Variants in NLRP12 observed in about 807,000 individuals in gnomAD.
NLRP12 encodes the protein NACHT, LRR and PYD domains-containing protein 12.
A neutral mutation model predicts 91.2 loss-of-function variants in NLRP12; 108 were observed. That is an observed-to-expected ratio of 1.18 (90% CI 1.01 to 1.39). The LOEUF (loss-of-function observed/expected upper bound fraction) is 1.39, where lower values mean the gene tolerates loss of function less well. Among genes scored for constraint, NLRP12 ranks in the 40% most tolerant of loss-of-function variants. The pLI, the probability that NLRP12 is intolerant of heterozygous loss-of-function variation, is 0.00. For missense variants in NLRP12, 1,530 were observed against 1,352.7 expected (o/e 1.13, Z -2.06); for synonymous variants, 613 against 566.7 (o/e 1.08, Z -1.16).
intron 7 of NLRP12, among the ~76,000 whole-genome samples, chr19:53,799,887 G>A (rs757615214): frequency 2.0e-5 from 3 of 152,078 alleles, no homozygotes; most frequent in African/African-American, 4.8e-5. Context: ...TGTCCAGCTG[G>A]GTGTAGTGGG....
intron 9 of NLRP12, 75 bp from the exon 10 acceptor site, chr19:53,794,211 T>A: frequency 3.1e-6 from 3 of 972,276 alleles, no homozygotes; most frequent in Non-Finnish European, 5.0e-6. Context: ...GTATCTATTG[T>A]GCACTACCGT....
chr19:53,803,842 G>A (rs888925350), intron 6 of NLRP12, 110 bp downstream of exon 6: 6 of 1,106,404 alleles, frequency 5.4e-6, no homozygotes, highest in East Asian at 2.5e-5. Context: ...CCAAAGTGCC[G>A]GGATTACAGG....
chr19:53,824,192 C>T lies in NLRP12; in HGVS notation c.-18G>A, dbSNP rs781775783. 4.3e-6 allele frequency: 7 copies of T among 1,612,994 alleles called. No homozygotes were observed. The highest frequency in any genetic ancestry group is 3.3e-4 in the Middle Eastern group (2 of 6,052). ...CGTAGCATGGGGGTGCCGTGAGCCC[C>T]AAAGGAGAGGACCTGGAGGCTGAGA... is the stretch of plus-strand genomic sequence containing the variant. On this transcript the variant is annotated 5_prime_UTR_variant, in exon 1 of 10. It introduces an in-frame stop codon into an upstream open reading frame of the 5' UTR. Transcript: ENST00000324134.
At position 53,809,517 on chromosome 19, in the gene NLRP12, C is replaced by CAAAAAAAAAA. The variant is rs3973672; in HGVS notation, c.2072+60_2072+69dup. 6.5e-4 allele frequency: 452 copies of CAAAAAAAAAA among 694,850 alleles called. 3 individuals are homozygous for CAAAAAAAAAA. The highest frequency in any genetic ancestry group is 1.8e-3 in the African/African-American group (71 of 38,586). 43.0% of individuals were successfully genotyped at this position (694,850 alleles called of 1,614,324 possible). A position where few individuals can be genotyped will look rare whatever the true frequency, so the allele number is the denominator to read the frequency against. ...GTGTACTCCAGCCTAGGCAACAGAG[C>CAAAAAAAAAA]AAAAAAAAAAAAAAAAAAAAAAAAC... On this transcript the variant is annotated intron_variant, in intron 3 of 9. Coordinates refer to ENST00000324134, the MANE Select transcript of NLRP12 (RefSeq NM_144687.4).
intron 1 of NLRP12, among the ~76,000 whole-genome samples, chr19:53,818,580 G>T (rs1383914769): frequency 1.4e-5 from 2 of 140,618 alleles, no homozygotes; most frequent in Admixed American, 6.9e-5. Flanking sequence ...CAGGAGAATC[G>T]CTTGAACCCG....
intron 4 of NLRP12, among the ~76,000 whole-genome samples, chr19:53,806,745 C>G (rs957562585): frequency 7.0e-6 from 1 of 143,160 alleles, no homozygotes; most frequent in Non-Finnish European, 1.5e-5. Context: ...GTTTTCCCAG[C>G]TACTCGTGAT....
intron 8 of NLRP12, among the ~76,000 whole-genome samples, chr19:53,796,344 C>T (rs959069682): frequency 4.6e-5 from 7 of 151,826 alleles, no homozygotes; most frequent in African/African-American, 7.3e-5. Context: ...CTCTGCCTCC[C>T]GGGTTCAAGT....
In NLRP12 at chr19:53,796,183, C is replaced by T. The variant is rs143892094; in HGVS notation, c.2928-154G>A. 3,365 of 714,988 alleles carry T rather than the reference C, an allele frequency of 4.7e-3. 117 individuals carry two copies. In the Admixed American group the frequency reaches 0.05, roughly 11 times the overall value. The allele number at this position is 714,988 out of a possible 1,614,324, so 44.3% of individuals were successfully genotyped here. A position where few individuals can be genotyped will look rare whatever the true frequency, so the allele number is the denominator to read the frequency against. On this transcript the variant is annotated intron_variant, in intron 8 of 9. Coordinates refer to ENST00000324134, the MANE Select transcript of NLRP12 (RefSeq NM_144687.4). ...CCAGGTTCAAGCGATTCTCCTGCCT[C>T]AGCCTCCTGAGTAGCTGGGATTACA...
chr19:53,816,511 C>A (rs1002863808), intron 1 of NLRP12, among the ~76,000 whole-genome samples: 18 of 151,840 alleles, frequency 1.2e-4, no homozygotes, highest in Non-Finnish European at 2.4e-4. Flanking sequence ...AGTCATCTGG[C>A]ACCATTTTAT....
Position 53,819,541 on chromosome 19 carries a change from GTA to G in NLRP12, c.289+4343_289+4344del, listed in dbSNP as rs1491323565. Among the ~76,000 whole-genome samples the G allele has an allele frequency of 8.8e-4, 18 of 20,362 alleles. 5 individuals are homozygous for G. Among genetic ancestry groups the G allele is most frequent in the African/African-American group, 3.0e-3 (15 of 4,990 alleles). The allele number at this position is 20,362 out of a possible 152,430, so 13.4% of individuals were successfully genotyped here. Reference sequence around the variant, plus strand: ...TGTGTATATATGTGTGTATGTATACGTATATATATGTATGTATACGTATATAT... The same window carrying G: ...TGTGTATATATGTGTGTATGTATACGTATATATGTATGTATACGTATATAT... On this transcript the variant is annotated intron_variant, in intron 1 of 9. Transcript: ENST00000324134.
intron 8 of NLRP12, among the ~76,000 whole-genome samples, chr19:53,797,078 A>G (rs1332085101): frequency 6.6e-6 from 1 of 152,048 alleles, no homozygotes; most frequent in Non-Finnish European, 1.5e-5. Context: ...CAGAAAGGTG[A>G]GGGAGAAAGT....
chr19:53,808,131 C>T (rs1405335431), intron 3 of NLRP12: 1 of 320,868 alleles, frequency 3.1e-6, no homozygotes, highest in African/African-American at 2.2e-5. Flanking sequence ...GATCATGGCT[C>T]ACTGTAGGCT....
chr19:53,804,087 T>A lies in NLRP12; in HGVS notation c.2450A>T (p.Gln817Leu), dbSNP rs755657075. Residue 817 changes from glutamine to leucine, a missense_variant, in exon 6 of 10, where the codon CAG becomes CTG. Physicochemically the swap from Gln to Leu is moderately radical, Grantham distance 113. Coordinates refer to ENST00000324134, the MANE Select transcript of NLRP12 (RefSeq NM_144687.4). ...GGTGCCGAGCACAGAAGCCATCTCC[T>A]GACAAGCCCCGGACTCCAGCTGACA... ...RKCQLESGAC[Q>L]EMASVLGTNP... is the part of the protein sequence containing the mutation. The A allele has an allele frequency of 1.2e-6, 2 of 1,614,042 alleles. No homozygotes were observed. The highest frequency in any genetic ancestry group is 2.2e-5 in the East Asian group (1 of 44,860).
At position 53,824,282 on chromosome 19, in the gene NLRP12, G is replaced by A. The variant is rs1469874874; in HGVS notation, c.-108C>T. ...TTCCATTGCATCATTCACAGGCAGC[G>A]GGCGGAGAGGCTGAGCCAGTGGTTG... is the stretch of plus-strand genomic sequence containing the variant. On this transcript the variant is annotated 5_prime_UTR_variant, in exon 1 of 10. Transcript: ENST00000324134. 9.3e-6 allele frequency: 11 copies of A among 1,176,716 alleles called. No homozygotes were observed. The highest frequency in any genetic ancestry group is 3.8e-5 in the Admixed American group (2 of 52,108). 72.9% of individuals were successfully genotyped at this position (1,176,716 alleles called of 1,614,324 possible). A position where few individuals can be genotyped will look rare whatever the true frequency, so the allele number is the denominator to read the frequency against.
rs554038146 is a variant in NLRP12, at chr19:53,802,117, C to CTTGGGAGGCTGAGGCA, written c.2586-736_2586-721dup. ...TGGCGCATGCCTGTAATCCCAGCTA[C>CTTGGGAGGCTGAGGCA]TTGGGAGGCTGAGGCAGGAGAATCA... On this transcript the variant is annotated intron_variant, in intron 6 of 9. Coordinates refer to ENST00000324134, the MANE Select transcript of NLRP12 (RefSeq NM_144687.4). 1.7e-3 allele frequency among the ~76,000 whole-genome samples: 254 copies of CTTGGGAGGCTGAGGCA among 151,664 alleles called. No homozygotes were observed. In the Middle Eastern group the frequency reaches 0.017, roughly 10 times the overall value.
At chr19:53,818,875 C>G (rs968301233) in intron 1 of NLRP12, among the ~76,000 whole-genome samples, 1 of 152,104 alleles carries the variant, frequency 6.6e-6, no homozygotes, top group African/African-American at 2.4e-5. Flanking sequence ...TCGAGAGACT[C>G]TTACGCACAG....
chr19:53,805,012 A>T (rs2091934916), intron 5 of NLRP12, among the ~76,000 whole-genome samples: 3 of 152,202 alleles, frequency 2.0e-5, no homozygotes, highest in Admixed American at 2.0e-4. Flanking sequence ...CTTGGGCAAC[A>T]TAGCAAGACC....
At chr19:53,816,154 C>T (rs1180018267) in intron 1 of NLRP12, among the ~76,000 whole-genome samples, 1 of 151,984 alleles carries the variant, frequency 6.6e-6, no homozygotes, top group African/African-American at 2.4e-5. Context: ...AGAAGGCCCC[C>T]CAAAGTCCTA....
intron 5 of NLRP12, among the ~76,000 whole-genome samples, chr19:53,804,676 G>A (rs942089065): frequency 2.7e-5 from 4 of 150,450 alleles, no homozygotes; most frequent in African/African-American, 7.3e-5. Context: ...CTCCCAAAGT[G>A]CTGGGATTAT....
Sources: gnomAD v4.1 joint callset for allele counts (sites outside exome capture counted in the v4.1 genomes callset) on GRCh38, gnomAD v4.1.1 for gene constraint, MANE v1.5 for transcripts, NCBI Gene and HGNC (gene_info 2026-07-23, HGNC 2026-07-21) for gene names.